Variants in TMEM132C observed in about 807,000 individuals in gnomAD.
TMEM132C encodes transmembrane protein 132C, also known as protein phosphatase 1, regulatory subunit 152.
A neutral mutation model predicts 61.4 loss-of-function variants in TMEM132C; 29 were observed. That is an observed-to-expected ratio of 0.47 (90% CI 0.35 to 0.64). The LOEUF is 0.64. TMEM132C is among the 30% of genes least tolerant of loss of function. The pLI, the probability that TMEM132C is intolerant of heterozygous loss-of-function variation, is 0.00. For synonymous variants in TMEM132C, 656 were observed against 633.1 expected, an observed-to-expected ratio of 1.04 and a Z score of -0.54; for missense variants, 1,408 against 1,476.9, an observed-to-expected ratio of 0.95 and a Z score of 0.76.
chr12:128,443,370 A>G (rs545204933), intron 2 of TMEM132C, among the ~76,000 whole-genome samples: 1 of 152,316 alleles, frequency 6.6e-6, no homozygotes, highest in Admixed American at 6.5e-5. Context: ...TCACCACTAA[A>G]GAACTTAACC....
At chr12:128,486,706 AG>A (rs1431097955) in intron 2 of TMEM132C, among the ~76,000 whole-genome samples, 1 of 152,188 alleles carries the variant, frequency 6.6e-6, no homozygotes, top group Non-Finnish European at 1.5e-5. Flanking sequence ...AGATTTTGAC[AG>A]GCATAGCCTC....
chr12:128,665,680 CACAT>C (rs1954455623), intron 4 of TMEM132C, among the ~76,000 whole-genome samples: 1 of 150,084 alleles, frequency 6.7e-6, no homozygotes, highest in South Asian at 2.1e-4. Flanking sequence ...CAGGCATACA[CACAT>C]ACACATACAG....
At chr12:128,486,887 AC>A (rs1871513541) in intron 2 of TMEM132C, among the ~76,000 whole-genome samples, 1 of 110,132 alleles carries the variant, frequency 9.1e-6, no homozygotes, top group African/African-American at 3.5e-5. Context: ...ACACACACAC[AC>A]ACACACACAC....
chr12:128,371,010 C>T (rs1164494371), intron 1 of TMEM132C, among the ~76,000 whole-genome samples: 1 of 152,094 alleles, frequency 6.6e-6, no homozygotes, highest in Non-Finnish European at 1.5e-5. Context: ...TGAAGCAGGG[C>T]TTTCAATCCA....
At chr12:128,598,838 G>A (rs1211312053) in intron 3 of TMEM132C, among the ~76,000 whole-genome samples, 2 of 148,236 alleles carry the variant, frequency 1.3e-5, no homozygotes, top group Non-Finnish European at 3.0e-5. Context: ...TGGAGGTGGG[G>A]CTGGGGTGGG....
intron 2 of TMEM132C, among the ~76,000 whole-genome samples, chr12:128,497,150 A>C (rs11612883): frequency 0.032 from 4,882 of 152,292 alleles, 96 homozygotes; most frequent in African/African-American, 0.038. Flanking sequence ...AACAGCGAAT[A>C]TTGCTGAACA....
chr12:128,418,487 C>T (rs1218310079), intron 2 of TMEM132C, among the ~76,000 whole-genome samples: 2 of 152,236 alleles, frequency 1.3e-5, no homozygotes, highest in Admixed American at 1.3e-4. Flanking sequence ...TTCTCTCCCC[C>T]TCTGTCCAAT....
At chr12:128,427,343 G>GT (rs1472213188) in intron 2 of TMEM132C, among the ~76,000 whole-genome samples, 1 of 151,032 alleles carries the variant, frequency 6.6e-6, no homozygotes, top group African/African-American at 2.4e-5. Flanking sequence ...AGTGGGGTGT[G>GT]TTTTTTTGTA....
At chr12:128,368,864 A>T (rs1170905281) in intron 1 of TMEM132C, among the ~76,000 whole-genome samples, 1 of 152,164 alleles carries the variant, frequency 6.6e-6, no homozygotes. Flanking sequence ...AGGAAGGCAC[A>T]CCAAAGGCAC....
At chr12:128,524,913 G>GGC in intron 2 of TMEM132C, among the ~76,000 whole-genome samples, 1 of 152,308 alleles carries the variant, frequency 6.6e-6, no homozygotes, top group East Asian at 1.9e-4. Flanking sequence ...TGTGAATACG[G>GGC]AAATGCCCTC....
chr12:128,586,298 A>G (rs967577723), intron 3 of TMEM132C, among the ~76,000 whole-genome samples: 2 of 151,702 alleles, frequency 1.3e-5, no homozygotes, highest in Admixed American at 6.6e-5. Context: ...AGCCAAACAT[A>G]CTTTATCATT....
intron 2 of TMEM132C, among the ~76,000 whole-genome samples, chr12:128,489,464 G>A (rs1439881640): frequency 6.6e-6 from 1 of 151,682 alleles, no homozygotes; most frequent in Non-Finnish European, 1.5e-5. Flanking sequence ...CTGTGAGATG[G>A]AGGTTGAACT....
intron 2 of TMEM132C, among the ~76,000 whole-genome samples, chr12:128,416,777 A>G (rs1340589440): frequency 1.3e-5 from 2 of 152,182 alleles, no homozygotes; most frequent in Middle Eastern, 3.2e-3. Flanking sequence ...TGATCTCTAT[A>G]GTTTTTCCTT....
At chr12:128,340,156 G>C (rs1297223909) in intron 1 of TMEM132C, among the ~76,000 whole-genome samples, 1 of 152,146 alleles carries the variant, frequency 6.6e-6, no homozygotes, top group East Asian at 1.9e-4. Flanking sequence ...GAAAGTATGG[G>C]GATGTGCCGA....
In TMEM132C at chr12:128,300,589, G is replaced by A. The variant is rs149232287; in HGVS notation, c.85+33102G>A. On this transcript the variant is annotated intron_variant, in intron 1 of 8. Transcript: ENST00000435159. ...GCCTATGAGAGGACACCAAGCAGCC[G>A]TATTTTCCATAAGTGATTCTGGTCT... Among the ~76,000 whole-genome samples, 150 of 152,250 alleles carry A rather than the reference G, an allele frequency of 9.9e-4. 1 individual carries two copies. Among genetic ancestry groups the A allele is most frequent in the African/African-American group, 3.2e-3 (135 of 41,558 alleles).
chr12:128,626,284 G>A (rs781096171), intron 4 of TMEM132C, among the ~76,000 whole-genome samples: 3 of 147,164 alleles, frequency 2.0e-5, no homozygotes, highest in African/African-American at 5.1e-5. Context: ...TCACCACCAC[G>A]CCCAGCTAAT....
intron 2 of TMEM132C, among the ~76,000 whole-genome samples, chr12:128,528,384 C>T (rs1455854653): frequency 6.6e-6 from 1 of 152,190 alleles, no homozygotes; most frequent in Non-Finnish European, 1.5e-5. Flanking sequence ...AAGGCAAGCT[C>T]ATAAAAATTC....
At chr12:128,683,611 A>C (rs1954652027) in intron 5 of TMEM132C, among the ~76,000 whole-genome samples, 1 of 152,238 alleles carries the variant, frequency 6.6e-6, no homozygotes, top group African/African-American at 2.4e-5. Context: ...GTTTGTGTGA[A>C]GATGAAAGGA....
chr12:128,560,849 C>A (rs1391423593), intron 3 of TMEM132C, among the ~76,000 whole-genome samples: 1 of 152,132 alleles, frequency 6.6e-6, no homozygotes, highest in Non-Finnish European at 1.5e-5. Context: ...GATCAGAGAG[C>A]CCTCGTGTTG....
Sources: allele counts gnomAD v4.1 joint callset (sites outside exome capture counted in the v4.1 genomes callset), GRCh38; gene constraint gnomAD v4.1.1; transcripts MANE v1.5; gene names NCBI Gene and HGNC (gene_info 2026-07-23, HGNC 2026-07-21).